The following NPEPPS variants were observed in gnomAD, a reference collection of about 807,000 sequenced individuals.
NPEPPS encodes puromycin-sensitive aminopeptidase.
A neutral mutation model predicts 115.5 loss-of-function variants in NPEPPS; 14 were observed. The ratio of observed to expected loss-of-function variants is 0.12; its 90% CI spans 0.08 to 0.19. The LOEUF is 0.19. NPEPPS is among the 10% of genes least tolerant of loss of function. NPEPPS has a pLI of 1.00. For missense variants in NPEPPS, 523 were observed against 1,110.8 expected, an observed-to-expected ratio of 0.47 and a Z score of 7.52; for synonymous variants, 285 against 390.6, an observed-to-expected ratio of 0.73 and a Z score of 3.19.
chr17:47,550,002 T>C (rs1010167258), intron 2 of NPEPPS, among the ~76,000 whole-genome samples: 2 of 150,750 alleles, frequency 1.3e-5, no homozygotes, highest in African/African-American at 4.9e-5. Context: ...TGGCGCAGTC[T>C]CGGCTCACTG....
chr17:47,604,985 C>G (rs1441920820), intron 16 of NPEPPS, among the ~76,000 whole-genome samples: 2 of 152,148 alleles, frequency 1.3e-5, no homozygotes, highest in Non-Finnish European at 2.9e-5. Context: ...AATTTCAAAA[C>G]AGTAACAAAG....
chr17:47,546,292 G>A (rs563008067), intron 2 of NPEPPS, among the ~76,000 whole-genome samples: 42 of 152,164 alleles, frequency 2.8e-4, no homozygotes, highest in African/African-American at 9.6e-4. Flanking sequence ...TAGGCATAGT[G>A]GTGCGTGCCT....
intron 3 of NPEPPS, among the ~76,000 whole-genome samples, chr17:47,571,634 C>T (rs572308378): frequency 1.3e-5 from 2 of 152,100 alleles, no homozygotes; most frequent in South Asian, 4.1e-4. Context: ...AGGAAAATGG[C>T]GTGAACCCGG....
intron 2 of NPEPPS, among the ~76,000 whole-genome samples, chr17:47,568,611 C>A (rs1170895790): frequency 6.6e-6 from 1 of 152,104 alleles, no homozygotes; most frequent in East Asian, 1.9e-4. Context: ...GAGAGTAAGT[C>A]AAAGCCTTAA....
intron 13 of NPEPPS, among the ~76,000 whole-genome samples, chr17:47,598,390 C>T (rs1425197518): frequency 6.6e-6 from 1 of 152,168 alleles, no homozygotes; most frequent in Non-Finnish European, 1.5e-5. Flanking sequence ...GGAAGGATCG[C>T]TTGAGCACAG....
At chr17:47,559,047 GA>G (rs200447312) in intron 2 of NPEPPS, among the ~76,000 whole-genome samples, 12,379 of 129,984 alleles carry the variant, frequency 0.095, 787 homozygotes, top group East Asian at 0.28. Context: ...CAAAAAAGAG[GA>G]AAAAAAAAAA....
At position 47,531,491 on chromosome 17, in the gene NPEPPS, G is replaced by T; in HGVS notation, c.191G>T (p.Ser64Ile). The change falls in exon 1 of 23, where the codon AGC (serine) becomes ATC (isoleucine). Residue 64 changes from serine (S) to isoleucine (I), a missense_variant. This residue lies in a region of NPEPPS where 144 missense variants were observed against 512.4 expected (regional missense o/e 0.28). Transcript: ENST00000322157. Reference protein sequence around the residue: ...LPADVSPINYSLCLKPDLLDF... With the variant: ...LPADVSPINYILCLKPDLLDF... ...GCCGATGTCTCCCCCATCAACTACA[G>T]CCTTTGCCTCAAGCCCGACTTGCTG... 3 of 1,608,602 alleles carry T rather than the reference G, an allele frequency of 1.9e-6. No individual in the cohort carries two copies. The South Asian group carries it at 3.3e-5, about 18-fold the overall frequency.
intron 2 of NPEPPS, among the ~76,000 whole-genome samples, chr17:47,552,883 A>G (rs573093311): frequency 3.3e-5 from 5 of 152,194 alleles, no homozygotes; most frequent in African/African-American, 1.2e-4. Flanking sequence ...ATAGAGAACA[A>G]CCGTAGGCAC....
chr17:47,604,016 T>C lies in NPEPPS; in HGVS notation c.1842T>C (p.Asp614=). The change falls in exon 16 of 23, where the codon GAT becomes GAC. Residue 614 remains aspartate, a synonymous_variant. Transcript: ENST00000322157. The part of the protein sequence containing the change: ...GIRDLSLPPV[D]RLGLQNDLFS... ...GTGACCTTTCTCTGCCCCCTGTGGA[T>C]CGACTTGGATTACAGAATGACCTCT... The C allele has an allele frequency of 6.2e-7, 1 of 1,613,622 alleles. No individual in the cohort carries two copies. The highest frequency in any genetic ancestry group is 8.5e-7 in the Non-Finnish European group (1 of 1,179,658).
chr17:47,618,870 A>G (rs1481836509), intron 20 of NPEPPS, 139 bp from the exon 21 acceptor site: 1 of 753,734 alleles, frequency 1.3e-6, no homozygotes, highest in Non-Finnish European at 2.1e-6. Context: ...CTTTGCTGAG[A>G]ACTTCTGGTT....
intron 12 of NPEPPS, chr17:47,596,137 A>T: frequency 2.4e-6 from 1 of 411,020 alleles, no homozygotes; most frequent in South Asian, 2.6e-5. Flanking sequence ...TGGGTGATGA[A>T]GTAAGACCGT....
At position 47,592,075 on chromosome 17, in the gene NPEPPS, T is replaced by G; in HGVS notation, c.1365+15T>G. On this transcript the variant is annotated intron_variant, in intron 11 of 22. Transcript: ENST00000322157. Reference sequence around the variant, plus strand: ...TTGGGGATAAGGTAAAAAAAAACTTTAAATATTTCATTCTTTTATGGTGAA... The same window carrying G: ...TTGGGGATAAGGTAAAAAAAAACTTGAAATATTTCATTCTTTTATGGTGAA... 2 of 1,447,184 alleles carry G rather than the reference T, an allele frequency of 1.4e-6. No homozygotes were observed. The highest frequency in any genetic ancestry group is 1.2e-5 in the South Asian group (1 of 84,254). The allele number at this position is 1,447,184 out of a possible 1,614,324, so 89.6% of individuals were successfully genotyped here.
chr17:47,597,417 G>A (rs1912945540), intron 13 of NPEPPS, among the ~76,000 whole-genome samples: 1 of 152,152 alleles, frequency 6.6e-6, no homozygotes, highest in East Asian at 1.9e-4. Context: ...TGAGCTGCAT[G>A]GGGAATTAAT....
intron 3 of NPEPPS, among the ~76,000 whole-genome samples, chr17:47,570,265 A>G (rs539652482): frequency 1.5e-4 from 23 of 152,242 alleles, no homozygotes; most frequent in African/African-American, 5.5e-4. Flanking sequence ...CTACCAAAAA[A>G]TACAAAAATT....
At position 47,579,529 on chromosome 17, in the gene NPEPPS, C is replaced by T; in HGVS notation, c.540+18C>T. Reference sequence around the variant, plus strand: ...AGTTTGAGGTATGGGTTATTCTTCTCTAAAATATTATTATTCTTAAATTAG... The same window carrying T: ...AGTTTGAGGTATGGGTTATTCTTCTTTAAAATATTATTATTCTTAAATTAG... On this transcript the variant is annotated intron_variant, in intron 4 of 22. Coordinates refer to ENST00000322157, the MANE Select transcript of NPEPPS (RefSeq NM_006310.4). 1.3e-6 allele frequency: 2 copies of T among 1,547,246 alleles called. No individual in the cohort carries two copies. The highest frequency in any genetic ancestry group is 1.7e-6 in the Non-Finnish European group (2 of 1,146,922).
chr17:47,616,784 CAAAAA>C (rs567081295), intron 19 of NPEPPS, among the ~76,000 whole-genome samples: 1 of 85,568 alleles, frequency 1.2e-5, no homozygotes, highest in Non-Finnish European at 2.5e-5. Flanking sequence ...GACTCCATCT[CAAAAA>C]AAAAAAAAAA....
At chr17:47,592,422 T>G in intron 11 of NPEPPS, 63 bp from the exon 12 acceptor site, 6 of 1,508,870 alleles carry the variant, frequency 4.0e-6, no homozygotes, top group Non-Finnish European at 5.4e-6. Context: ...ATTACTGATA[T>G]ACAAATATAC....
At chr17:47,605,258 A>G (rs1196604641) in intron 16 of NPEPPS, 75 bp from the exon 17 acceptor site, 1 of 1,064,988 alleles carries the variant, frequency 9.4e-7, no homozygotes, top group African/African-American at 1.6e-5. Context: ...AGCAGTAGAT[A>G]ATGCCAAAAA....
intron 2 of NPEPPS, chr17:47,548,414 T>C (rs1440148908): frequency 6.6e-6 from 1 of 151,990 alleles, no homozygotes; most frequent in African/African-American, 2.4e-5. Flanking sequence ...AACAAGGCTT[T>C]CTTTGTTGCA....
Sources: allele counts gnomAD v4.1 joint callset (sites outside exome capture counted in the v4.1 genomes callset), GRCh38; gene constraint gnomAD v4.1.1; regional missense constraint gnomAD v4.1.1; transcripts MANE v1.5; gene names NCBI Gene and HGNC (gene_info 2026-07-23, HGNC 2026-07-21).